RPS6KC1: variants seen among roughly 807,000 people sequenced by gnomAD.
RPS6KC1 encodes ribosomal protein S6 kinase C1.
Under a neutral mutation model 103.8 loss-of-function variants are expected in RPS6KC1, and 54 were observed. The ratio of observed to expected loss-of-function variants is 0.52; its 90% CI spans 0.42 to 0.65. The LOEUF (loss-of-function observed/expected upper bound fraction) is 0.65. Ranked by LOEUF, RPS6KC1 falls within the 30% of genes least tolerant of loss-of-function variation. The pLI, the probability that RPS6KC1 is intolerant of heterozygous loss-of-function variation, is 0.00. For missense variants in RPS6KC1, 1,151 were observed against 1,253.8 expected (o/e 0.92, Z 1.24); for synonymous variants, 439 against 438.7 (o/e 1.00, Z -0.01).
At chr1:213,365,037 C>G in the RPS6KC1 span, among the ~76,000 whole-genome samples, 5 of 152,138 alleles carry the variant, frequency 3.3e-5, no homozygotes, top group African/African-American at 1.2e-4. Context: ...ATATCTGTTT[C>G]CATATTCTTG....
the RPS6KC1 span, among the ~76,000 whole-genome samples, chr1:213,823,718 T>C: frequency 1.8e-5 from 1 of 54,218 alleles, no homozygotes; most frequent in Non-Finnish European, 3.1e-5. Flanking sequence ...TGGTGTTGGC[T>C]ATCACAGCCA....
the RPS6KC1 span, among the ~76,000 whole-genome samples, chr1:213,314,708 C>G: frequency 1.4e-5 from 2 of 144,702 alleles, no homozygotes; most frequent in African/African-American, 5.1e-5. Flanking sequence ...AATGAAAATA[C>G]TTTGGGGGAA....
the RPS6KC1 span, among the ~76,000 whole-genome samples, chr1:213,557,162 C>G: frequency 6.6e-6 from 1 of 152,200 alleles, no homozygotes; most frequent in Non-Finnish European, 1.5e-5. Context: ...CCTCTTCTGA[C>G]TGTGCTTCTC....
At chr1:213,366,423 C>A in the RPS6KC1 span, among the ~76,000 whole-genome samples, 11 of 152,322 alleles carry the variant, frequency 7.2e-5, no homozygotes, top group African/African-American at 2.6e-4. Context: ...CAGAGGAAAT[C>A]AAAGCAAAGG....
chr1:213,496,252 A>C, the RPS6KC1 span, among the ~76,000 whole-genome samples: 1 of 152,252 alleles, frequency 6.6e-6, no homozygotes, highest in African/African-American at 2.4e-5. Flanking sequence ...AAATATAAAT[A>C]TGCTAAACCT....
chr1:213,141,829 T>G (rs1488963472), intron 6 of RPS6KC1, among the ~76,000 whole-genome samples: 3 of 152,000 alleles, frequency 2.0e-5, no homozygotes, highest in African/African-American at 7.2e-5. Flanking sequence ...GTATCTTTTT[T>G]TTTTTCTTTT....
the RPS6KC1 span, among the ~76,000 whole-genome samples, chr1:213,577,378 C>A: frequency 6.6e-6 from 1 of 152,162 alleles, no homozygotes; most frequent in Non-Finnish European, 1.5e-5. Context: ...TTCTTCATAG[C>A]AGTATGAAAG....
chr1:213,127,210 C>CT (rs1403020362), intron 5 of RPS6KC1, among the ~76,000 whole-genome samples: 7 of 152,106 alleles, frequency 4.6e-5, no homozygotes, highest in Admixed American at 3.9e-4. Context: ...CCAGGACATT[C>CT]TTTGTCTTTT....
At chr1:213,286,560 G>C in the RPS6KC1 span, among the ~76,000 whole-genome samples, 1 of 152,150 alleles carries the variant, frequency 6.6e-6, no homozygotes, top group Non-Finnish European at 1.5e-5. Context: ...GAACCAATTC[G>C]CTATCTTGAA....
At chr1:213,606,753 T>C in the RPS6KC1 span, among the ~76,000 whole-genome samples, 2 of 152,202 alleles carry the variant, frequency 1.3e-5, no homozygotes, top group African/African-American at 4.8e-5. Flanking sequence ...CAGAGGCATG[T>C]TTGAGACCAA....
intron 5 of RPS6KC1, among the ~76,000 whole-genome samples, chr1:213,118,144 T>C (rs1479965860): frequency 6.6e-6 from 1 of 151,904 alleles, no homozygotes; most frequent in Non-Finnish European, 1.5e-5. Flanking sequence ...TAAGGCAGTT[T>C]TAATGTTTTT....
the RPS6KC1 span, among the ~76,000 whole-genome samples, chr1:213,283,604 C>CT: frequency 6.6e-6 from 1 of 152,132 alleles, no homozygotes; most frequent in Non-Finnish European, 1.5e-5. Context: ...TTTGCCCACT[C>CT]TAACACCTGG....
chr1:213,292,538 C>T, the RPS6KC1 span, among the ~76,000 whole-genome samples: 4 of 152,182 alleles, frequency 2.6e-5, no homozygotes, highest in African/African-American at 7.2e-5. Flanking sequence ...TGTGACACCC[C>T]TCCTGGCATC....
intron 8 of RPS6KC1, among the ~76,000 whole-genome samples, chr1:213,181,657 G>A (rs1355694745): frequency 1.3e-5 from 2 of 152,130 alleles, no homozygotes; most frequent in Non-Finnish European, 2.9e-5. Flanking sequence ...GATTGAACTG[G>A]ATTAAATCAA....
At chr1:213,137,448 C>G (rs570827300) in intron 6 of RPS6KC1, among the ~76,000 whole-genome samples, 1 of 152,066 alleles carries the variant, frequency 6.6e-6, no homozygotes, top group East Asian at 1.9e-4. Context: ...ATTCTCCTGC[C>G]TCAACCTCCC....
rs1288959781 is a variant in RPS6KC1 at position 213,262,650 on chromosome 1, C to G, written c.2995-71C>G. 3.0e-5 allele frequency: 30 copies of G among 985,128 alleles called. No individual in the cohort carries two copies. The South Asian group carries it at 3.3e-4, about 11-fold the overall frequency. The allele number at this position is 985,128 out of a possible 1,614,324, so 61.0% of individuals were successfully genotyped here. A position where few individuals can be genotyped will look rare whatever the true frequency, so the allele number is the denominator to read the frequency against. On this transcript the variant is annotated intron_variant, in intron 13 of 14. Coordinates refer to ENST00000366960, the MANE Select transcript of RPS6KC1 (RefSeq NM_012424.6). ...TTGTTGAGCTCTCTGTACTTGCTGTCCATAAATCCTATGATAGAACAAAAT... is the reference window on the plus strand; with the variant it reads ...TTGTTGAGCTCTCTGTACTTGCTGTGCATAAATCCTATGATAGAACAAAAT...
At chr1:213,197,643 G>C (rs1004300435) in intron 8 of RPS6KC1, among the ~76,000 whole-genome samples, 2 of 152,076 alleles carry the variant, frequency 1.3e-5, no homozygotes, top group African/African-American at 4.8e-5. Context: ...CTGCTGGTTT[G>C]TGTACATTGA....
rs570691613 is a variant in RPS6KC1, at chr1:213,204,963, G to T, written c.1045-25534G>T. ...ATAATGGACTTAAATCAGTTTGGTTGTTTTAAAAGTACCCTAGCATTTAGC... is the reference window on the plus strand; with the variant it reads ...ATAATGGACTTAAATCAGTTTGGTTTTTTTAAAAGTACCCTAGCATTTAGC... On this transcript the variant is annotated intron_variant, in intron 8 of 14. Transcript: ENST00000366960. Among the ~76,000 whole-genome samples, 18 of 152,076 alleles carry T rather than the reference G, an allele frequency of 1.2e-4. No homozygotes were observed. In the South Asian group the frequency reaches 3.7e-3, roughly 32 times the overall value.
the RPS6KC1 span, among the ~76,000 whole-genome samples, chr1:213,636,612 A>C: frequency 7.6e-4 from 116 of 152,320 alleles, 2 homozygotes; most frequent in African/African-American, 2.6e-3. Flanking sequence ...ACAAAAATTA[A>C]TTCAAGATGG....
Sources: allele counts gnomAD v4.1 joint callset (sites outside exome capture counted in the v4.1 genomes callset), GRCh38; gene constraint gnomAD v4.1.1; transcripts MANE v1.5; gene names NCBI Gene and HGNC (gene_info 2026-07-23, HGNC 2026-07-21).